NOD1: variants seen among roughly 807,000 people sequenced by gnomAD.
NOD1 encodes nucleotide binding oligomerization domain containing 1, also known as nucleotide-binding oligomerization domain-containing protein 1.
In NOD1, 70 loss-of-function variants were observed where a neutral mutation model predicts 81.2. That is an observed-to-expected ratio of 0.86 (90% CI 0.71 to 1.05). NOD1 has a LOEUF of 1.05. Ranked by LOEUF, NOD1 falls within the 50% of genes least tolerant of loss-of-function variation. NOD1 has a pLI of 0.00. For missense variants in NOD1, 1,233 were observed against 1,228.0 expected, an observed-to-expected ratio of 1.00 and a Z score of -0.06; for synonymous variants, 508 against 526.9, an observed-to-expected ratio of 0.96 and a Z score of 0.49.
rs756738590 is a variant in NOD1, at chr7:30,452,163, C to A, written c.1254G>T (p.Thr418=). 2 of 1,613,878 alleles carry A rather than the reference C, an allele frequency of 1.2e-6. No homozygotes were observed. Among genetic ancestry groups the A allele is most frequent in the African/African-American group, 1.3e-5 (1 of 74,934 alleles). Residue 418 remains threonine (T), a synonymous_variant, in exon 6 of 14, where the codon ACG becomes ACT. Transcript: ENST00000222823. ...FEGSPQLPDC[T]MTLTDVFLLV... ...GGAGGAAGACATCTGTCAGGGTCAT[C>A]GTGCAGTCGGGCAGCTGTGGTGAGC...
At position 30,429,457 on chromosome 7, in the gene NOD1, C is replaced by G; in HGVS notation, c.2706G>C (p.Trp902Cys). 8 of 1,613,498 alleles carry G rather than the reference C, an allele frequency of 5.0e-6. No homozygotes were observed. Among genetic ancestry groups the G allele is most frequent in the Non-Finnish European group, 6.8e-6 (8 of 1,179,452 alleles). Residue 902 changes from tryptophan (W) to cysteine (C), a missense_variant and splice_region_variant, in exon 13 of 14, where the codon TGG becomes TGC. Transcript: ENST00000222823. Reference protein sequence around the residue: ...LKVNQTLKHLWLIQNQITAKG... With the variant: ...LKVNQTLKHLCLIQNQITAKG... ...TAGCTGTGATCTGATTCTGGATAAG[C>G]CTGAAAGAAGAACATAACTTGTATA...
At chr7:30,438,637 G>T (rs1049413165) in intron 9 of NOD1, among the ~76,000 whole-genome samples, 1 of 152,208 alleles carries the variant, frequency 6.6e-6, no homozygotes, top group African/African-American at 2.4e-5. Context: ...GGTATGGCTT[G>T]CTGGAACCCA....
intron 1 of NOD1, chr7:30,460,341 C>T (rs900361222): frequency 6.1e-6 from 6 of 985,312 alleles, no homozygotes; most frequent in South Asian, 9.4e-5. Flanking sequence ...GCAATCCTTT[C>T]CTTTCTTTGC....
At chr7:30,466,216 C>G (rs75275800) in intron 1 of NOD1, among the ~76,000 whole-genome samples, 1 of 152,184 alleles carries the variant, frequency 6.6e-6, no homozygotes, top group Non-Finnish European at 1.5e-5. Flanking sequence ...TCAAACAGTT[C>G]AGGTTCTTCT....
At chr7:30,446,382 G>T in intron 8 of NOD1, 158 bp from the exon 9 acceptor site, 1 of 648,962 alleles carries the variant, frequency 1.5e-6, no homozygotes, top group Non-Finnish European at 2.8e-6. Context: ...TCCTGTCAGG[G>T]AGGGAACTGA....
Position 30,459,665 on chromosome 7 carries a change from C to T in NOD1, c.-211+236G>A, listed in dbSNP as rs182739984. ...GCTCCAGGGTTGGGGCCTGTTTTCT[C>T]TCGGAAGCATTTGAGAGATGTTAAA... On this transcript the variant is annotated intron_variant, in intron 2 of 13. Coordinates refer to ENST00000222823, the MANE Select transcript of NOD1 (RefSeq NM_006092.4). Among the ~76,000 whole-genome samples, 4 of 152,324 alleles carry T rather than the reference C, an allele frequency of 2.6e-5. No homozygotes were observed. The East Asian group carries it at 7.7e-4, about 29-fold the overall frequency.
In NOD1 at chr7:30,451,180, G is replaced by A. The variant is rs199476264; in HGVS notation, c.2201+36C>T. ...GATGCCCTCCGAGCCTGGCCCGCCC[G>A]GCCCACCTGTTGCTCCCCTTGCCTG... On this transcript the variant is annotated intron_variant, in intron 6 of 13. Coordinates refer to ENST00000222823, the MANE Select transcript of NOD1 (RefSeq NM_006092.4). The surrounding 1 kb of genome is among the most constrained non-coding windows in gnomAD (Gnocchi z 4.2). 241 of 1,596,334 alleles carry A rather than the reference G, an allele frequency of 1.5e-4. 1 individual carries two copies. Among genetic ancestry groups the A allele is most frequent in the Middle Eastern group, 3.4e-4 (2 of 5,882 alleles).
At chr7:30,460,550 A>G (rs1214063192) in intron 1 of NOD1, 6 of 985,224 alleles carry the variant, frequency 6.1e-6, no homozygotes, top group Non-Finnish European at 4.8e-6. Context: ...TACCCAAAGG[A>G]AAAAACCAAG....
chr7:30,466,020 C>A (rs1288133051), intron 1 of NOD1, among the ~76,000 whole-genome samples: 1 of 152,252 alleles, frequency 6.6e-6, no homozygotes, highest in Non-Finnish European at 1.5e-5. Flanking sequence ...CTGACCACTT[C>A]TTGAAGTGAG....
Position 30,451,949 on chromosome 7 carries a change from C to G in NOD1, c.1468G>C (p.Glu490Gln). ...AGGAAGCCCAGCTGCATGTCTCTCTCCTGCAGCCCGGAGGCCTGCACCTCC... is the reference window on the plus strand; with the variant it reads ...AGGAAGCCCAGCTGCATGTCTCTCTGCTGCAGCCCGGAGGCCTGCACCTCC... ...QEEVQASGLQ[E>Q]RDMQLGFLRA... Residue 490 changes from glutamate (E) to glutamine (Q), a missense_variant, in exon 6 of 14, where the codon GAG becomes CAG. Coordinates refer to ENST00000222823, the MANE Select transcript of NOD1 (RefSeq NM_006092.4). This position sits in a 1 kb window ranked among gnomAD's most constrained non-coding sequence, Gnocchi z 4.2. 6.2e-7 allele frequency: 1 copy of G among 1,613,562 alleles called. No individual in the cohort carries two copies. Among genetic ancestry groups the G allele is most frequent in the Non-Finnish European group, 8.5e-7 (1 of 1,180,004 alleles).
intron 9 of NOD1, among the ~76,000 whole-genome samples, chr7:30,438,208 G>C (rs1032770647): frequency 3.3e-5 from 5 of 152,204 alleles, no homozygotes. Context: ...CTGTGGCTAC[G>C]GCCATCTTGG....
chr7:30,448,471 C>T, intron 6 of NOD1, 90 bp from the exon 7 acceptor site: 2 of 1,126,218 alleles, frequency 1.8e-6, no homozygotes, highest in South Asian at 2.5e-5. Context: ...AGCCTTCAGG[C>T]CCTGGAGTTT....
At chr7:30,466,564 G>A (rs1787713353) in intron 1 of NOD1, among the ~76,000 whole-genome samples, 1 of 152,138 alleles carries the variant, frequency 6.6e-6, no homozygotes, top group African/African-American at 2.4e-5. Context: ...GGAGGCCGAG[G>A]CAGGAGGATC....
At chr7:30,435,850 C>T (rs753102713) in intron 11 of NOD1, 148 bp downstream of exon 11, 1 of 631,746 alleles carries the variant, frequency 1.6e-6, no homozygotes, top group Admixed American at 2.8e-5. Flanking sequence ...TCTCAGGACT[C>T]GGAAGGCCAA....
intron 6 of NOD1, among the ~76,000 whole-genome samples, chr7:30,449,099 C>T (rs1785417568): frequency 6.6e-6 from 1 of 152,192 alleles, no homozygotes; most frequent in African/African-American, 2.4e-5. Flanking sequence ...GGCTGCGTTC[C>T]AATAAAACTT....
Position 30,465,086 on chromosome 7 carries a change from G to T in NOD1, c.-351-5045C>A, listed in dbSNP as rs574136906. ...CAAGTATGGTGAATGTGTGGAAGCA[G>T]AAATGAGCAGAGAGAGACAGGGGGG... On this transcript the variant is annotated intron_variant, in intron 1 of 13. Transcript: ENST00000222823. 7.3e-5 allele frequency among the ~76,000 whole-genome samples: 11 copies of T among 150,844 alleles called. No individual in the cohort carries two copies. In the East Asian group the frequency reaches 2.0e-3, roughly 27 times the overall value.
At chr7:30,445,718 C>T (rs1424468596) in intron 9 of NOD1, among the ~76,000 whole-genome samples, 1 of 142,588 alleles carries the variant, frequency 7.0e-6, no homozygotes, top group African/African-American at 2.7e-5. Context: ...GAGATCATGC[C>T]ACTGCACTCC....
At chr7:30,456,631 C>A in intron 4 of NOD1, 90 bp downstream of exon 4, 8 of 1,186,816 alleles carry the variant, frequency 6.7e-6, no homozygotes, top group Non-Finnish European at 9.9e-6. Context: ...GGACTAAACT[C>A]CCACGCTCTT....
chr7:30,462,256 G>A (rs1787170420), intron 1 of NOD1, among the ~76,000 whole-genome samples: 1 of 152,166 alleles, frequency 6.6e-6, no homozygotes, highest in Non-Finnish European at 1.5e-5. Context: ...AAATGCTGTT[G>A]ATGTTTGGTG....
Sources: allele counts gnomAD v4.1 joint callset (sites outside exome capture counted in the v4.1 genomes callset), GRCh38; gene constraint gnomAD v4.1.1; non-coding constraint Gnocchi (gnomAD v3.1); transcripts MANE v1.5; gene names NCBI Gene and HGNC (gene_info 2026-07-23, HGNC 2026-07-21).